Variants in MROH2A observed in about 807,000 individuals in gnomAD.
The protein encoded by MROH2A is maestro heat like repeat family member 2A.
A neutral mutation model predicts 200.4 loss-of-function variants in MROH2A; 174 were observed. That is an observed-to-expected ratio of 0.87 (90% CI 0.77 to 0.98). The LOEUF (loss-of-function observed/expected upper bound fraction) is 0.98. Among genes scored for constraint, MROH2A ranks in the 50% least tolerant of loss-of-function variants. The probability of loss-of-function intolerance (pLI) is 0.00; values close to 1 mark genes in which losing one functional copy is unlikely to be tolerated. For missense variants in MROH2A, 2,045 were observed against 2,139.6 expected, an observed-to-expected ratio of 0.96 and a Z score of 0.87; for synonymous variants, 829 against 840.4, an observed-to-expected ratio of 0.99 and a Z score of 0.23.
chr2:233,793,040 G>C (rs12622156), intron 6 of MROH2A, 146 bp downstream of exon 6: 4 of 802,052 alleles, frequency 5.0e-6, no homozygotes, highest in African/African-American at 1.7e-5. Flanking sequence ...CTTTTACTTC[G>C]TGTGGCCTCT....
At position 233,820,782 on chromosome 2, in the gene MROH2A, A is replaced by G. The variant is rs1238289667; in HGVS notation, c.3512+726A>G. 6.6e-6 allele frequency among the ~76,000 whole-genome samples: 1 copy of G among 152,170 alleles called. No individual in the cohort carries two copies. The highest frequency in any genetic ancestry group is 1.9e-4 in the East Asian group (1 of 5,186). ...CTAAGTAAGAGGCTTGGAACAGAGAAAAGAGTTTTAAAAATAGGCCCCGGC... is the reference window on the plus strand; with the variant it reads ...CTAAGTAAGAGGCTTGGAACAGAGAGAAGAGTTTTAAAAATAGGCCCCGGC... On this transcript the variant is annotated intron_variant, in intron 31 of 41. Transcript: ENST00000389758. This position sits in a 1 kb window ranked among gnomAD's most constrained non-coding sequence, Gnocchi z 4.1.
Position 233,813,271 on chromosome 2 carries a change from A to AGCTGCTGCTGCTGCTGCT in MROH2A, c.2652-394_2652-377dup, listed in dbSNP as rs895511669. On this transcript the variant is annotated intron_variant, in intron 24 of 41. Coordinates refer to ENST00000389758, the MANE Select transcript of MROH2A (RefSeq NM_001394639.1). ...GTGTTTCTCATAAATTCCAAGGTGA[A>AGCTGCTGCTGCTGCTGCT]GCTGCTGCTGCTGCTGCTGCTGGTG... 8.6e-5 allele frequency among the ~76,000 whole-genome samples: 13 copies of AGCTGCTGCTGCTGCTGCT among 152,022 alleles called. No homozygotes were observed. The East Asian group carries it at 1.4e-3, about 16-fold the overall frequency.
intron 13 of MROH2A, 28 bp from the exon 14 acceptor site, chr2:233,800,177 G>T: frequency 2.0e-6 from 3 of 1,491,202 alleles, no homozygotes; most frequent in South Asian, 1.3e-5. Context: ...TAGGCCACAG[G>T]TGGGAATCCC....
chr2:233,831,591 C>A, intron 39 of MROH2A, 51 bp downstream of exon 39: 1 of 1,531,690 alleles, frequency 6.5e-7, no homozygotes, highest in South Asian at 1.2e-5. Context: ...CACACGCTGG[C>A]TTGGAGCTGG....
In MROH2A at chr2:233,809,134, T is replaced by C. The variant is rs1702990102; in HGVS notation, c.2304T>C (p.His768=). The part of the protein sequence containing the change: ...SWQISAWRKD[H]PWRRETVKSA... ...TCTCTTTGGCCTCGTAGAAGGACCA[T>C]CCCTGGAGGCGGGAGACAGTGAAAA... Residue 768 remains histidine (H), a synonymous_variant, in exon 22 of 42, where the codon CAT becomes CAC. Transcript: ENST00000389758. 1 of 1,548,824 alleles carries C rather than the reference T, an allele frequency of 6.5e-7. No homozygotes were observed. Among genetic ancestry groups the C allele is most frequent in the South Asian group, 1.2e-5 (1 of 84,014 alleles).
At chr2:233,793,253 G>A (rs1381472988) in intron 6 of MROH2A, among the ~76,000 whole-genome samples, 1 of 152,208 alleles carries the variant, frequency 6.6e-6, no homozygotes, top group Non-Finnish European at 1.5e-5. Flanking sequence ...GCTTGACGGG[G>A]ACTGGTCTTA....
In MROH2A at chr2:233,796,044, T is replaced by C. The variant is rs759173; in HGVS notation, c.1137T>C (p.Leu379=). 0.85 allele frequency: 1,315,094 copies of C among 1,550,132 alleles called. 558,788 individuals carry two copies. Among genetic ancestry groups the C allele is most frequent in the East Asian group, 0.99 (40,522 of 40,884 alleles). Residue 379 remains leucine, a splice_region_variant and synonymous_variant, in exon 10 of 42, where the codon CTT becomes CTC. Transcript: ENST00000389758. ...LMEMVHCFVA[L]ARSYPKELMK... The stretch of plus-strand genomic sequence containing the variant: ...AGATGGTGCACTGCTTCGTAGCCCT[T>C]GGTGAGGCTCTGCGGCAGGGTGCTC...
intron 15 of MROH2A, 72 bp downstream of exon 15, chr2:233,802,387 C>A (rs1702529767): frequency 1.4e-6 from 2 of 1,460,306 alleles, no homozygotes; most frequent in South Asian, 1.4e-5. Context: ...ATGCCCACCC[C>A]TCTCCACATT....
rs188142013 is a variant in MROH2A at position 233,781,052 on chromosome 2, G to A, written c.276+1200G>A. On this transcript the variant is annotated intron_variant, in intron 3 of 41. Coordinates refer to ENST00000389758, the MANE Select transcript of MROH2A (RefSeq NM_001394639.1). ...TGTCCTCCAGTTTTATTCATGTTAC[G>A]GTAAATGACAGGGTTTCTTTTTTTT... 9.5e-4 allele frequency among the ~76,000 whole-genome samples: 144 copies of A among 152,168 alleles called. No homozygotes were observed. The Middle Eastern group carries it at 0.014, about 14-fold the overall frequency.
chr2:233,820,467 A>G lies in MROH2A; in HGVS notation c.3512+411A>G, dbSNP rs2124859464. Among the ~76,000 whole-genome samples the G allele has an allele frequency of 6.6e-6, 1 of 152,296 alleles. No individual in the cohort carries two copies. Among genetic ancestry groups the G allele is most frequent in the Non-Finnish European group, 1.5e-5 (1 of 68,028 alleles). On this transcript the variant is annotated intron_variant, in intron 31 of 41. Transcript: ENST00000389758. This position sits in a 1 kb window ranked among gnomAD's most constrained non-coding sequence, Gnocchi z 4.1. ...TTTCAAAATGTGTCCTAAGAGGGGA[A>G]GCGACTTGTCCCAGTCTCCAAGGGG... is the stretch of plus-strand genomic sequence containing the variant.
chr2:233,797,025 CAG>C (rs1196278335), intron 11 of MROH2A, among the ~76,000 whole-genome samples: 1 of 152,164 alleles, frequency 6.6e-6, no homozygotes, highest in Non-Finnish European at 1.5e-5. Context: ...TGTGAAAGGC[CAG>C]AGAGTAAAAA....
chr2:233,832,541 T>A (rs1213342620), intron 40 of MROH2A, 38 bp from the exon 41 acceptor site: 1 of 1,426,198 alleles, frequency 7.0e-7, no homozygotes. Flanking sequence ...GCTGACCTAA[T>A]ACTCGCGTGA....
rs754957999 is a variant in MROH2A at position 233,810,776 on chromosome 2, T to C, written c.2449-18T>C. ...GCTCACAAACATTCTCTCCCTCCTT[T>C]TCCCCTTCTGGGCTCAGGACATCTG... On this transcript the variant is annotated intron_variant, in intron 22 of 41. Transcript: ENST00000389758. The C allele has an allele frequency of 2.6e-6, 4 of 1,549,284 alleles. No individual in the cohort carries two copies. In the South Asian group the frequency reaches 4.8e-5, roughly 18 times the overall value.
intron 35 of MROH2A, among the ~76,000 whole-genome samples, chr2:233,826,765 T>A (rs1315082815): frequency 6.6e-6 from 1 of 152,152 alleles, no homozygotes; most frequent in Non-Finnish European, 1.5e-5. Context: ...CAAAAGAGAC[T>A]ATCATCAGAG....
intron 28 of MROH2A, 34 bp downstream of exon 28, chr2:233,818,159 C>T: frequency 6.5e-7 from 1 of 1,547,714 alleles, no homozygotes; most frequent in Non-Finnish European, 8.7e-7. Context: ...ACCAGCTCCT[C>T]TGGGAGGGAG....
At chr2:233,826,876 GA>G (rs1185607269) in intron 35 of MROH2A, among the ~76,000 whole-genome samples, 5 of 151,910 alleles carry the variant, frequency 3.3e-5, no homozygotes, top group Admixed American at 6.6e-5. Flanking sequence ...AAATTTACAA[GA>G]AAAAAACAAA....
chr2:233,832,693 C>T lies in MROH2A; in HGVS notation c.4903+49C>T, dbSNP rs1210045779. On this transcript the variant is annotated intron_variant, in intron 41 of 41. Transcript: ENST00000389758. ...GTTGAGTCCACGACTCACCAACTCA[C>T]TAGGGGAGCTTAGAGAAACTGCTTC... The T allele has an allele frequency of 3.0e-6, 4 of 1,339,316 alleles. No homozygotes were observed. The African/African-American group carries it at 4.4e-5, about 15-fold the overall frequency. The allele number at this position is 1,339,316 out of a possible 1,614,324, so 83.0% of individuals were successfully genotyped here. A position where few individuals can be genotyped will look rare whatever the true frequency, so the allele number is the denominator to read the frequency against.
chr2:233,781,059 G>A (rs1700934495), intron 3 of MROH2A, among the ~76,000 whole-genome samples: 1 of 152,128 alleles, frequency 6.6e-6, no homozygotes, highest in African/African-American at 2.4e-5. Context: ...TACGGTAAAT[G>A]ACAGGGTTTC....
At chr2:233,822,016 C>G (rs1703970104) in intron 31 of MROH2A, 108 bp from the exon 32 acceptor site, 1 of 1,342,922 alleles carries the variant, frequency 7.4e-7, no homozygotes, top group African/African-American at 1.5e-5. Context: ...GATTCAGTCC[C>G]CAGAGTCCAA....
Sources: allele counts gnomAD v4.1 joint callset (sites outside exome capture counted in the v4.1 genomes callset), GRCh38; gene constraint gnomAD v4.1.1; non-coding constraint Gnocchi (gnomAD v3.1); transcripts MANE v1.5; gene names NCBI Gene and HGNC (gene_info 2026-07-23, HGNC 2026-07-21).